XRCC4: variants seen among roughly 807,000 people sequenced by gnomAD.
XRCC4 encodes X-ray repair cross complementing 4.
A neutral mutation model predicts 39.1 loss-of-function variants in XRCC4; 28 were observed. The ratio of observed to expected loss-of-function variants is 0.72; its 90% confidence interval spans 0.53 to 0.98. XRCC4 has a LOEUF of 0.98. Ranked by LOEUF, XRCC4 falls within the 50% of genes least tolerant of loss-of-function variation. XRCC4 has a pLI of 0.00. For synonymous variants in XRCC4, 123 were observed against 126.4 expected (o/e 0.97, Z 0.18); for missense variants, 350 against 376.4 (o/e 0.93, Z 0.58).
At chr5:83,356,821 T>C, downstream of XRCC4, 2 of 410,374 alleles carry the variant, frequency 4.9e-6, no homozygotes, top group South Asian at 3.7e-5. Flanking sequence ...TCCTCACCTC[T>C]AAGATAAGGA....
intron 3 of XRCC4, among the ~76,000 whole-genome samples, chr5:83,191,421 G>A (rs1338111123): frequency 6.6e-6 from 1 of 152,122 alleles, no homozygotes; most frequent in African/African-American, 2.4e-5. Flanking sequence ...AAAAACAGGA[G>A]TGTCCGGGCA....
At chr5:83,368,391 C>T in the XRCC4 span, among the ~76,000 whole-genome samples, 8 of 152,288 alleles carry the variant, frequency 5.3e-5, no homozygotes, top group East Asian at 7.7e-4. Flanking sequence ...GGGTTGTTCA[C>T]GTTCATCTGC....
the XRCC4 span, among the ~76,000 whole-genome samples, chr5:83,359,824 G>A: frequency 2.8e-4 from 42 of 152,152 alleles, no homozygotes; most frequent in African/African-American, 9.1e-4. Context: ...TAAACTTCTC[G>A]ATATGATAGG....
chr5:83,203,733 T>A (rs1412640461), intron 5 of XRCC4, 26 bp downstream of exon 5: 7 of 1,606,480 alleles, frequency 4.4e-6, no homozygotes, highest in South Asian at 1.1e-5. Context: ...TGTTTTTGGA[T>A]GACAGATGAA....
At chr5:83,117,744 A>T (rs1036316609) in intron 3 of XRCC4, among the ~76,000 whole-genome samples, 120 of 105,610 alleles carry the variant, frequency 1.1e-3, no homozygotes, top group African/African-American at 3.0e-3. Context: ...AAATTAATTT[A>T]ATTTTATTTT....
chr5:83,111,110 G>C lies in XRCC4; in HGVS notation c.222G>C (p.Leu74Phe), dbSNP rs1561333045. The C allele has an allele frequency of 1.9e-6, 3 of 1,611,744 alleles. No homozygotes were observed. Among genetic ancestry groups the C allele is most frequent in the Non-Finnish European group, 2.5e-6 (3 of 1,178,916 alleles). ...GKYVGELRKA[L>F]LSGAGPADVY... Reference sequence around the variant, plus strand: ...ATGTTGGTGAACTGAGAAAAGCATTGTTGTCAGGAGCAGGACCAGCTGATG... The same window carrying C: ...ATGTTGGTGAACTGAGAAAAGCATTCTTGTCAGGAGCAGGACCAGCTGATG... Residue 74 changes from leucine (L) to phenylalanine (F), a missense_variant, in exon 3 of 8, where the codon TTG (leucine) becomes TTC (phenylalanine). Transcript: ENST00000396027.
chr5:83,283,167 T>G lies in XRCC4; in HGVS notation c.893+24490T>G, dbSNP rs1319904692. ...TTTTGGCATTCAAATAATAGGTTTG[T>G]AAACCTGCTGTAGCTATGAAATGTT... On this transcript the variant is annotated intron_variant, in intron 7 of 7. Coordinates refer to ENST00000396027, the MANE Select transcript of XRCC4 (RefSeq NM_003401.5). 3.9e-5 allele frequency among the ~76,000 whole-genome samples: 6 copies of G among 152,186 alleles called. No homozygotes were observed. In the East Asian group the frequency reaches 1.2e-3, roughly 29 times the overall value.
Position 83,258,615 on chromosome 5 carries a change from A to G in XRCC4, c.831A>G (p.Gln277=). Residue 277 remains glutamine (Q), a synonymous_variant, in exon 7 of 8, where the codon CAA becomes CAG. Coordinates refer to ENST00000396027, the MANE Select transcript of XRCC4 (RefSeq NM_003401.5). The stretch of plus-strand genomic sequence containing the variant: ...GTAGAAAAAGGAGACAGCGAATGCA[A>G]AGAAATCTTGGGACAGAACCTAAAA... ...APSRKRRQRM[Q]RNLGTEPKMA... 2 of 1,611,780 alleles carry G rather than the reference A, an allele frequency of 1.2e-6. No individual in the cohort carries two copies. The highest frequency in any genetic ancestry group is 2.2e-5 in the South Asian group (2 of 90,528).
chr5:83,284,570 T>G (rs1754670359), intron 7 of XRCC4, among the ~76,000 whole-genome samples: 1 of 152,136 alleles, frequency 6.6e-6, no homozygotes, highest in Non-Finnish European at 1.5e-5. Flanking sequence ...TCTCATTGTT[T>G]TAATGCACTT....
At chr5:83,312,977 G>C (rs1755755636) in intron 7 of XRCC4, among the ~76,000 whole-genome samples, 1 of 152,184 alleles carries the variant, frequency 6.6e-6, no homozygotes, top group Non-Finnish European at 1.5e-5. Context: ...TGCGGATGCT[G>C]AGTTGGCACT....
At chr5:83,236,676 T>G (rs959771448) in intron 6 of XRCC4, among the ~76,000 whole-genome samples, 1 of 151,866 alleles carries the variant, frequency 6.6e-6, no homozygotes, top group Admixed American at 6.6e-5. Flanking sequence ...GCATAAGACC[T>G]CAAAAGCACA....
intron 4 of XRCC4, among the ~76,000 whole-genome samples, chr5:83,196,218 G>A (rs955217828): frequency 2.9e-4 from 44 of 152,042 alleles, no homozygotes; most frequent in African/African-American, 1.0e-3. Flanking sequence ...AAAGATTTAG[G>A]TAGTAAATAT....
intron 3 of XRCC4, among the ~76,000 whole-genome samples, chr5:83,142,440 A>G (rs182673538): frequency 6.6e-6 from 1 of 152,366 alleles, no homozygotes; most frequent in South Asian, 2.1e-4. Context: ...ACTAATTACA[A>G]TACTATATAT....
rs1754429224 is a variant in XRCC4, at chr5:83,278,868, A to G, written c.893+20191A>G. On this transcript the variant is annotated intron_variant, in intron 7 of 7. Transcript: ENST00000396027. ...CTGAGCGTGGCGACGTGTGCCTATA[A>G]TCCCAGGTACGTAGGGGGCTGAGGC... 3.3e-5 allele frequency among the ~76,000 whole-genome samples: 5 copies of G among 150,958 alleles called. No homozygotes were observed. In the South Asian group the frequency reaches 1.0e-3, roughly 32 times the overall value.
At chr5:83,249,371 C>T (rs188465912) in intron 6 of XRCC4, among the ~76,000 whole-genome samples, 1 of 152,246 alleles carries the variant, frequency 6.6e-6, no homozygotes, top group African/African-American at 2.4e-5. Flanking sequence ...TCTAGTGTTG[C>T]AAATCCGGAA....
chr5:83,365,836 T>C, the XRCC4 span, among the ~76,000 whole-genome samples: 2 of 152,250 alleles, frequency 1.3e-5, no homozygotes, highest in African/African-American at 4.8e-5. Context: ...ATCTTTCCGA[T>C]AGCTTCATTC....
chr5:83,201,678 G>A (rs977406715), intron 4 of XRCC4: 3 of 152,334 alleles, frequency 2.0e-5, no homozygotes, highest in African/African-American at 7.2e-5. Flanking sequence ...GACAGGACCG[G>A]TAATGTTCAT....
chr5:83,159,632 A>C (rs1400289253), intron 3 of XRCC4, among the ~76,000 whole-genome samples: 1 of 152,164 alleles, frequency 6.6e-6, no homozygotes, highest in African/African-American at 2.4e-5. Flanking sequence ...AAATATCGGA[A>C]TTATTCTGTA....
intron 7 of XRCC4, among the ~76,000 whole-genome samples, chr5:83,341,181 T>C (rs1756745526): frequency 6.7e-6 from 1 of 150,340 alleles, no homozygotes; most frequent in African/African-American, 2.4e-5. Context: ...AAAAATATAA[T>C]GTATGTATAA....
Sources: gnomAD v4.1 joint callset for allele counts (sites outside exome capture counted in the v4.1 genomes callset) on GRCh38, gnomAD v4.1.1 for gene constraint, MANE v1.5 for transcripts, NCBI Gene and HGNC (gene_info 2026-07-23, HGNC 2026-07-21) for gene names.